GRM8: variants seen among roughly 807,000 people sequenced by gnomAD.
GRM8 encodes glutamate metabotropic receptor 8.
A neutral mutation model predicts 87.2 loss-of-function variants in GRM8; 47 were observed. The observed-to-expected ratio is 0.54, with a 90% CI of 0.43 to 0.69. GRM8 has a LOEUF of 0.69. Ranked by LOEUF, GRM8 falls within the 30% of genes least tolerant of loss-of-function variation. The pLI, the probability that GRM8 is intolerant of heterozygous loss-of-function variation, is 0.00. For missense variants in GRM8, 1,019 were observed against 1,139.2 expected (o/e 0.89, Z 1.52); for synonymous variants, 396 against 404.5 (o/e 0.98, Z 0.25).
intron 9 of GRM8, among the ~76,000 whole-genome samples, chr7:126,519,886 C>A (rs767572016): frequency 1.3e-5 from 2 of 151,994 alleles, no homozygotes; most frequent in Non-Finnish European, 2.9e-5. Flanking sequence ...AAAAATAGAT[C>A]TAGGAGAAAT....
chr7:126,558,696 A>T (rs1452923943), intron 8 of GRM8, among the ~76,000 whole-genome samples: 1 of 152,204 alleles, frequency 6.6e-6, no homozygotes, highest in South Asian at 2.1e-4. Context: ...TTACATGTTT[A>T]GCACAGACAC....
At chr7:127,174,386 T>A (rs1251506602) in intron 2 of GRM8, among the ~76,000 whole-genome samples, 1 of 152,178 alleles carries the variant, frequency 6.6e-6, no homozygotes. Flanking sequence ...ACCCATTCTC[T>A]GAACAGAAGG....
intron 7 of GRM8, among the ~76,000 whole-genome samples, chr7:126,735,979 A>G (rs955774199): frequency 2.0e-5 from 3 of 152,102 alleles, no homozygotes; most frequent in Admixed American, 6.6e-5. Context: ...GAAGAGCCCA[A>G]TATTTTTATA....
intron 7 of GRM8, among the ~76,000 whole-genome samples, chr7:126,684,843 T>C (rs893251747): frequency 5.3e-5 from 8 of 152,244 alleles, no homozygotes; most frequent in Non-Finnish European, 7.3e-5. Context: ...TCTGAAAATA[T>C]GGACTTTCAT....
At chr7:126,488,006 T>C (rs1027199286) in intron 9 of GRM8, among the ~76,000 whole-genome samples, 2 of 151,952 alleles carry the variant, frequency 1.3e-5, no homozygotes, top group Non-Finnish European at 2.9e-5. Context: ...AAAAAGCAAC[T>C]AGATCAGCTT....
intron 3 of GRM8, among the ~76,000 whole-genome samples, chr7:126,994,194 C>T (rs1812953203): frequency 6.6e-6 from 1 of 152,108 alleles, no homozygotes; most frequent in South Asian, 2.1e-4. Context: ...GGCCTGCATC[C>T]TAGGCCCTAC....
chr7:126,605,272 G>A (rs77696705), intron 8 of GRM8, among the ~76,000 whole-genome samples: 1 of 152,136 alleles, frequency 6.6e-6, no homozygotes, highest in Non-Finnish European at 1.5e-5. Flanking sequence ...TAATAAAATA[G>A]AGAGACTCAT....
chr7:127,021,151 T>A (rs1816223415), intron 3 of GRM8, among the ~76,000 whole-genome samples: 1 of 151,958 alleles, frequency 6.6e-6, no homozygotes. Flanking sequence ...CAGCAAATTA[T>A]TACTTAAAGA....
chr7:126,598,690 C>T (rs1222096289), intron 8 of GRM8, among the ~76,000 whole-genome samples: 1 of 151,960 alleles, frequency 6.6e-6, no homozygotes, highest in Non-Finnish European at 1.5e-5. Flanking sequence ...ATCTTAATTA[C>T]GGCTTTGACT....
intron 3 of GRM8, among the ~76,000 whole-genome samples, chr7:127,088,853 C>G (rs1823761889): frequency 6.6e-6 from 1 of 152,214 alleles, no homozygotes. Flanking sequence ...ATGTCCCATG[C>G]ATGGCTAAAG....
In GRM8 at chr7:126,442,330, T is replaced by TC. The variant is rs1164878168; in HGVS notation, c.2678-3163dup. ...AAACACAATGATTTTCTATGATCAC[T>TC]CACTTTTACTTTCTATTTTTAATTT... On this transcript the variant is annotated intron_variant, in intron 10 of 10. Transcript: ENST00000339582. Among the ~76,000 whole-genome samples, 5 of 152,102 alleles carry TC rather than the reference T, an allele frequency of 3.3e-5. No individual in the cohort carries two copies. In the East Asian group the frequency reaches 9.7e-4, roughly 29 times the overall value.
intron 6 of GRM8, among the ~76,000 whole-genome samples, chr7:126,893,922 G>A (rs933657343): frequency 6.6e-6 from 1 of 151,924 alleles, no homozygotes; most frequent in East Asian, 1.9e-4. Context: ...CTTTTGTTTA[G>A]CTATGTTCCT....
intron 1 of GRM8, among the ~76,000 whole-genome samples, chr7:127,250,121 T>C (rs1196572409): frequency 6.6e-6 from 1 of 152,226 alleles, no homozygotes; most frequent in Non-Finnish European, 1.5e-5. Flanking sequence ...GGAACATTCA[T>C]ACACAAAGAT....
At chr7:127,093,046 G>A (rs150862044) in intron 3 of GRM8, among the ~76,000 whole-genome samples, 219 of 152,292 alleles carry the variant, frequency 1.4e-3, no homozygotes, top group Non-Finnish European at 2.5e-3. Context: ...GCATGCCACA[G>A]ACACCTCAAG....
chr7:126,804,923 C>A (rs1450225449), intron 6 of GRM8, among the ~76,000 whole-genome samples: 2 of 152,188 alleles, frequency 1.3e-5, no homozygotes, highest in African/African-American at 2.4e-5. Context: ...GCACCCTCCC[C>A]TCCAAATAAA....
At chr7:126,477,104 T>C (rs918954526) in intron 9 of GRM8, among the ~76,000 whole-genome samples, 1 of 152,236 alleles carries the variant, frequency 6.6e-6, no homozygotes, top group South Asian at 2.1e-4. Flanking sequence ...ATGGATGAAC[T>C]TGGAGAACAT....
chr7:126,903,508 T>A lies in GRM8; in HGVS notation c.1018+464A>T, dbSNP rs1257798379. Among the ~76,000 whole-genome samples, 5 of 150,634 alleles carry A rather than the reference T, an allele frequency of 3.3e-5. No homozygotes were observed. The South Asian group carries it at 6.3e-4, about 19-fold the overall frequency. On this transcript the variant is annotated intron_variant, in intron 5 of 10. Coordinates refer to ENST00000339582, the MANE Select transcript of GRM8 (RefSeq NM_000845.3). ...AGTGCAATTACTAACATAATGGAAA[T>A]AACTGACTATGGTCTTTTTCTTAAA...
At chr7:127,129,004 T>A (rs1226372793) in intron 2 of GRM8, among the ~76,000 whole-genome samples, 1 of 152,118 alleles carries the variant, frequency 6.6e-6, no homozygotes, top group Non-Finnish European at 1.5e-5. Context: ...AACTGCATTA[T>A]CAATATTAAT....
At chr7:127,132,627 C>T (rs1208532445) in intron 2 of GRM8, among the ~76,000 whole-genome samples, 1 of 151,964 alleles carries the variant, frequency 6.6e-6, no homozygotes, top group Non-Finnish European at 1.5e-5. Context: ...TTTGAAGGGT[C>T]AGATAGGCAC....
Sources: allele counts gnomAD v4.1 joint callset (sites outside exome capture counted in the v4.1 genomes callset), GRCh38; gene constraint gnomAD v4.1.1; transcripts MANE v1.5; gene names NCBI Gene and HGNC (gene_info 2026-07-23, HGNC 2026-07-21).